Variants in MAPKAP1 observed in about 807,000 individuals in gnomAD.
MAPKAP1 encodes target of rapamycin complex 2 subunit MAPKAP1.
MAPKAP1 carries 20 observed loss-of-function variants against 65.7 expected under a neutral mutation model. That is an observed-to-expected ratio of 0.30 (90% confidence interval 0.21 to 0.44). The LOEUF (loss-of-function observed/expected upper bound fraction) is 0.44. Among genes scored for constraint, MAPKAP1 ranks in the 20% least tolerant of loss-of-function variants. The probability of loss-of-function intolerance (pLI) is 1.00; values close to 1 mark genes in which losing one functional copy is unlikely to be tolerated. For synonymous variants in MAPKAP1, 222 were observed against 244.3 expected (o/e 0.91, Z 0.85); for missense variants, 423 against 648.0 (o/e 0.65, Z 3.77).
chr9:125,483,104 C>T (rs1207065886), intron 9 of MAPKAP1, among the ~76,000 whole-genome samples: 2 of 152,170 alleles, frequency 1.3e-5, no homozygotes, highest in East Asian at 3.8e-4. Context: ...ACTAACAGCT[C>T]TCACATAGGG....
chr9:125,461,133 A>G (rs1411392644), intron 10 of MAPKAP1, among the ~76,000 whole-genome samples: 1 of 152,222 alleles, frequency 6.6e-6, no homozygotes, highest in Non-Finnish European at 1.5e-5. Flanking sequence ...GCTTGAGGTT[A>G]CTGGAAACCA....
chr9:125,518,880 C>T (rs979369093), intron 7 of MAPKAP1, among the ~76,000 whole-genome samples: 9 of 152,166 alleles, frequency 5.9e-5, no homozygotes, highest in Admixed American at 4.6e-4. Context: ...TTCTCACAGC[C>T]GTTCTTTTAC....
At chr9:125,567,224 T>C (rs896434710) in intron 5 of MAPKAP1, among the ~76,000 whole-genome samples, 14 of 152,180 alleles carry the variant, frequency 9.2e-5, no homozygotes, top group African/African-American at 3.1e-4. Flanking sequence ...AGCAACTCCA[T>C]CTTAAATAGA....
In MAPKAP1 at chr9:125,572,761, T is replaced by C. The variant is rs372086133; in HGVS notation, c.671+12794A>G. 4 of 152,320 alleles carry C rather than the reference T, an allele frequency of 2.6e-5. No individual in the cohort carries two copies. The East Asian group carries it at 7.7e-4, about 29-fold the overall frequency. The allele number at this position is 152,320 out of a possible 1,614,324, so 9.4% of individuals were successfully genotyped here. On this transcript the variant is annotated intron_variant, in intron 5 of 11. Coordinates refer to ENST00000265960, the MANE Select transcript of MAPKAP1 (RefSeq NM_001006617.3). ...GCCCAGTTCATGTAAAGCCTTCTAA[T>C]TTAGTTTACTTGGAATAACTTTACT...
At chr9:125,656,148 G>C (rs956915031) in intron 4 of MAPKAP1, among the ~76,000 whole-genome samples, 1 of 152,130 alleles carries the variant, frequency 6.6e-6, no homozygotes. Flanking sequence ...ATGGTATCAG[G>C]CAATGGAAGC....
chr9:125,626,343 G>C (rs1462101340), intron 4 of MAPKAP1, among the ~76,000 whole-genome samples: 1 of 152,218 alleles, frequency 6.6e-6, no homozygotes, highest in Non-Finnish European at 1.5e-5. Context: ...TCTGGAAACA[G>C]GTCTGGGGGC....
At chr9:125,523,479 A>G (rs1250601882) in intron 7 of MAPKAP1, among the ~76,000 whole-genome samples, 4 of 152,212 alleles carry the variant, frequency 2.6e-5, no homozygotes, top group African/African-American at 9.6e-5. Context: ...GGAGTCCAGA[A>G]ATCATCTTTG....
At chr9:125,453,134 T>C (rs1853021012) in intron 10 of MAPKAP1, among the ~76,000 whole-genome samples, 1 of 152,206 alleles carries the variant, frequency 6.6e-6, no homozygotes, top group African/African-American at 2.4e-5. Flanking sequence ...CTTGACTCAC[T>C]GCAACCTCCA....
rs576628599 is a variant in MAPKAP1 at position 125,580,852 on chromosome 9, C to T, written c.671+4703G>A. ...GACAGAGAAGCTCTTTTTTACCACC[C>T]GTTTATAGTTGGACTGCCTCCCTAA... On this transcript the variant is annotated intron_variant, in intron 5 of 11. Transcript: ENST00000265960. Among the ~76,000 whole-genome samples the T allele has an allele frequency of 7.9e-5, 12 of 152,228 alleles. No homozygotes were observed. The South Asian group carries it at 1.7e-3, about 21-fold the overall frequency.
intron 4 of MAPKAP1, among the ~76,000 whole-genome samples, chr9:125,637,190 A>G (rs1833449261): frequency 6.6e-6 from 1 of 152,014 alleles, no homozygotes; most frequent in Admixed American, 6.6e-5. Flanking sequence ...AATCACTTGA[A>G]CCCAGGAGGC....
At chr9:125,550,774 C>T (rs955712510) in intron 6 of MAPKAP1, among the ~76,000 whole-genome samples, 2 of 152,158 alleles carry the variant, frequency 1.3e-5, no homozygotes, top group African/African-American at 2.4e-5. Context: ...TTTCCATACA[C>T]GAGGACAATC....
chr9:125,637,296 TAAAA>T (rs1022726408), intron 4 of MAPKAP1, among the ~76,000 whole-genome samples: 2 of 150,842 alleles, frequency 1.3e-5, no homozygotes, highest in Admixed American at 6.6e-5. Context: ...AAAATAAAAA[TAAAA>T]AAAGTATAAT....
At chr9:125,452,683 G>C (rs1852998922) in intron 10 of MAPKAP1, among the ~76,000 whole-genome samples, 1 of 152,060 alleles carries the variant, frequency 6.6e-6, no homozygotes, top group African/African-American at 2.4e-5. Flanking sequence ...TGGGAGGCCA[G>C]GAGTTTGAGA....
At chr9:125,507,316 T>G (rs560541088) in intron 7 of MAPKAP1, among the ~76,000 whole-genome samples, 1 of 152,356 alleles carries the variant, frequency 6.6e-6, no homozygotes, top group East Asian at 1.9e-4. Flanking sequence ...TTAATGGTTA[T>G]TGAAAGGATT....
At chr9:125,685,601 G>A (rs1232952242) in intron 1 of MAPKAP1, among the ~76,000 whole-genome samples, 2 of 152,208 alleles carry the variant, frequency 1.3e-5, no homozygotes, top group Non-Finnish European at 2.9e-5. Context: ...GCCATGTTAA[G>A]GAATGAATGA....
At chr9:125,676,847 T>A (rs183226831) in intron 1 of MAPKAP1, among the ~76,000 whole-genome samples, 1 of 152,326 alleles carries the variant, frequency 6.6e-6, no homozygotes, top group Non-Finnish European at 1.5e-5. Flanking sequence ...AAACACCAGA[T>A]TCAACCAAGT....
chr9:125,647,273 A>G (rs1833755722), intron 4 of MAPKAP1, among the ~76,000 whole-genome samples: 1 of 152,230 alleles, frequency 6.6e-6, no homozygotes, highest in Non-Finnish European at 1.5e-5. Flanking sequence ...CTAATAAAAC[A>G]CAGCTCTTAT....
rs549658371 is a variant in MAPKAP1 at position 125,704,352 on chromosome 9, T to C, written c.-70+2619A>G. On this transcript the variant is annotated intron_variant, in intron 1 of 11. Coordinates refer to ENST00000265960, the MANE Select transcript of MAPKAP1 (RefSeq NM_001006617.3). ...AAAAAATGAGATAAAGCATTTAACA[T>C]CACACCAGCAGAGTAAGTACTCATT... 2.6e-5 allele frequency among the ~76,000 whole-genome samples: 4 copies of C among 152,308 alleles called. No individual in the cohort carries two copies. In the South Asian group the frequency reaches 8.3e-4, roughly 32 times the overall value.
At chr9:125,487,676 C>T (rs1193370350) in intron 8 of MAPKAP1, among the ~76,000 whole-genome samples, 1 of 148,648 alleles carries the variant, frequency 6.7e-6, no homozygotes, top group Non-Finnish European at 1.5e-5. Flanking sequence ...TGGATTAAAA[C>T]CAATTTAAAA....
Sources: gnomAD v4.1 joint callset for allele counts (sites outside exome capture counted in the v4.1 genomes callset) on GRCh38, gnomAD v4.1.1 for gene constraint, MANE v1.5 for transcripts, NCBI Gene and HGNC (gene_info 2026-07-23, HGNC 2026-07-21) for gene names.